The following ANKS1B variants were observed in gnomAD, a reference collection of about 807,000 sequenced individuals.
The protein encoded by ANKS1B is ankyrin repeat and sterile alpha motif domain containing 1B.
A neutral mutation model predicts 148.3 loss-of-function variants in ANKS1B; 36 were observed. That is an observed-to-expected ratio of 0.24 (90% CI 0.19 to 0.32). ANKS1B has a LOEUF of 0.32. Ranked by LOEUF, ANKS1B falls within the 10% of genes least tolerant of loss-of-function variation. The pLI, the probability that ANKS1B is intolerant of heterozygous loss-of-function variation, is 1.00. For missense variants in ANKS1B, 1,157 were observed against 1,542.6 expected, an observed-to-expected ratio of 0.75 and a Z score of 4.19; for synonymous variants, 542 against 560.8, an observed-to-expected ratio of 0.97 and a Z score of 0.47.
At chr12:99,477,951 G>A (rs1482698443) in intron 10 of ANKS1B, among the ~76,000 whole-genome samples, 1 of 152,052 alleles carries the variant, frequency 6.6e-6, no homozygotes. Flanking sequence ...AAATAAAAAA[G>A]TAATTCAAAA....
chr12:99,864,339 C>A (rs1182467114), intron 1 of ANKS1B, among the ~76,000 whole-genome samples: 1 of 152,084 alleles, frequency 6.6e-6, no homozygotes, highest in Non-Finnish European at 1.5e-5. Context: ...TATTTAAAAT[C>A]TTTTAGCCAT....
chr12:98,759,806 G>A lies in ANKS1B; in HGVS notation c.3580-8284C>T, dbSNP rs148650264. Among the ~76,000 whole-genome samples, 1,273 of 152,030 alleles carry A rather than the reference G, an allele frequency of 8.4e-3. 18 individuals are homozygous for A. Among genetic ancestry groups the A allele is most frequent in the African/African-American group, 0.03 (1,230 of 41,444 alleles). Reference sequence around the variant, plus strand: ...ACCACCCCGGGCAACATGGTGAAACGCTGTCTCTACTAAAATACAAAAAAT... The same window carrying A: ...ACCACCCCGGGCAACATGGTGAAACACTGTCTCTACTAAAATACAAAAAAT... On this transcript the variant is annotated intron_variant, in intron 25 of 26. Transcript: ENST00000683438.
At chr12:99,375,186 G>T (rs2093340637) in intron 12 of ANKS1B, among the ~76,000 whole-genome samples, 1 of 152,218 alleles carries the variant, frequency 6.6e-6, no homozygotes, top group South Asian at 2.1e-4. Flanking sequence ...CCTAGAGCTA[G>T]ATAATTCTTT....
intron 8 of ANKS1B, among the ~76,000 whole-genome samples, chr12:99,715,629 T>C (rs2057219045): frequency 6.6e-6 from 1 of 152,070 alleles, no homozygotes; most frequent in South Asian, 2.1e-4. Flanking sequence ...CCCTTGGAGA[T>C]CCCTTGGGAG....
In ANKS1B at chr12:99,147,328, A is replaced by G. The variant is rs74461874; in HGVS notation, c.2526+6961T>C. 7.8e-3 allele frequency among the ~76,000 whole-genome samples: 1,187 copies of G among 152,284 alleles called. 16 individuals are homozygous for G. The highest frequency in any genetic ancestry group is 0.028 in the African/African-American group (1,153 of 41,574). Reference sequence around the variant, plus strand: ...GATCATTCTTGGCAGAGACAGTAGCATGTGCAAAGCCAGGCAATGAAAGAA... The same window carrying G: ...GATCATTCTTGGCAGAGACAGTAGCGTGTGCAAAGCCAGGCAATGAAAGAA... On this transcript the variant is annotated intron_variant, in intron 15 of 26. Coordinates refer to ENST00000683438, the MANE Select transcript of ANKS1B (RefSeq NM_001352186.2).
At chr12:99,742,418 A>C (rs2060205527) in intron 8 of ANKS1B, among the ~76,000 whole-genome samples, 1 of 152,218 alleles carries the variant, frequency 6.6e-6, no homozygotes, top group Non-Finnish European at 1.5e-5. Context: ...TAGATTTTAT[A>C]ATTTGACTTA....
At chr12:99,078,701 T>C (rs934117894) in intron 16 of ANKS1B, among the ~76,000 whole-genome samples, 5 of 152,180 alleles carry the variant, frequency 3.3e-5, no homozygotes, top group Non-Finnish European at 5.9e-5. Flanking sequence ...GGCTGTAAAG[T>C]AGATCATTAT....
intron 25 of ANKS1B, among the ~76,000 whole-genome samples, chr12:98,767,738 T>C (rs948926061): frequency 9.9e-5 from 15 of 152,276 alleles, no homozygotes; most frequent in Non-Finnish European, 1.5e-4. Flanking sequence ...TCAAAATCTT[T>C]CTATGTTGAC....
chr12:99,885,152 T>C (rs527751754), intron 1 of ANKS1B, among the ~76,000 whole-genome samples: 1 of 152,208 alleles, frequency 6.6e-6, no homozygotes, highest in South Asian at 2.1e-4. Context: ...TCCCATCCTC[T>C]CTTCCCTACT....
intron 14 of ANKS1B, among the ~76,000 whole-genome samples, chr12:99,179,264 TAAAAATACAAAAAAATTAGCCG>T (rs2078813642): frequency 1.3e-5 from 2 of 151,376 alleles, no homozygotes; most frequent in South Asian, 4.2e-4. Flanking sequence ...CCGTCTCTAC[TAAAAATACAAAAAAATTAGCCG>T]GGCGTGGTGG....
chr12:99,013,450 CACAAG>C (rs2099940623), intron 17 of ANKS1B, among the ~76,000 whole-genome samples: 1 of 151,934 alleles, frequency 6.6e-6, no homozygotes, highest in Admixed American at 6.6e-5. Flanking sequence ...AGAACTGTGC[CACAAG>C]ACAAGGATGC....
At chr12:99,566,710 T>C (rs1050363174) in intron 9 of ANKS1B, among the ~76,000 whole-genome samples, 12 of 152,188 alleles carry the variant, frequency 7.9e-5, no homozygotes, top group African/African-American at 2.9e-4. Context: ...TGCCTTGTGA[T>C]GCCTTCTGTC....
intron 17 of ANKS1B, among the ~76,000 whole-genome samples, chr12:98,839,730 C>T (rs1326769687): frequency 6.6e-6 from 1 of 152,200 alleles, no homozygotes. Flanking sequence ...TGTATACACA[C>T]TTGTGCATAT....
chr12:99,287,208 G>A lies in ANKS1B; in HGVS notation c.1757-40344C>T, dbSNP rs189363274. ...AGCTCCAGGGAGCCCAGCATGCAGA[G>A]AGAGACTCCATTTGTTTGGAGGAAA... On this transcript the variant is annotated intron_variant, in intron 12 of 26. Coordinates refer to ENST00000683438, the MANE Select transcript of ANKS1B (RefSeq NM_001352186.2). Among the ~76,000 whole-genome samples the A allele has an allele frequency of 7.2e-5, 11 of 152,282 alleles. No individual in the cohort carries two copies. The East Asian group carries it at 9.7e-4, about 13-fold the overall frequency.
intron 1 of ANKS1B, among the ~76,000 whole-genome samples, chr12:99,832,812 T>A (rs557104235): frequency 6.6e-6 from 1 of 151,618 alleles, no homozygotes; most frequent in Admixed American, 6.6e-5. Context: ...TAGCTGAGAA[T>A]GGGGCAAAAA....
chr12:99,421,893 G>A (rs1389930435), intron 11 of ANKS1B, among the ~76,000 whole-genome samples: 1 of 152,000 alleles, frequency 6.6e-6, no homozygotes, highest in Non-Finnish European at 1.5e-5. Flanking sequence ...CACAAGATCT[G>A]GTTGTTTAAG....
chr12:99,155,610 G>A (rs1242444827), intron 14 of ANKS1B, among the ~76,000 whole-genome samples: 1 of 152,088 alleles, frequency 6.6e-6, no homozygotes, highest in Non-Finnish European at 1.5e-5. Flanking sequence ...AAATGTGTGA[G>A]TTTTACTGAA....
chr12:99,273,344 T>A (rs954156422), intron 12 of ANKS1B, among the ~76,000 whole-genome samples: 5 of 152,168 alleles, frequency 3.3e-5, no homozygotes, highest in Admixed American at 6.5e-5. Flanking sequence ...TCTAAAAACA[T>A]TGTGGGATTT....
intron 17 of ANKS1B, among the ~76,000 whole-genome samples, chr12:98,879,697 G>T (rs1424689363): frequency 6.6e-6 from 1 of 151,972 alleles, no homozygotes; most frequent in Admixed American, 6.6e-5. Context: ...AGTCTTCTGA[G>T]ACAAAGTGCC....
Sources: gnomAD v4.1 joint callset for allele counts (sites outside exome capture counted in the v4.1 genomes callset) on GRCh38, gnomAD v4.1.1 for gene constraint, MANE v1.5 for transcripts, NCBI Gene and HGNC (gene_info 2026-07-23, HGNC 2026-07-21) for gene names.